SLC24A2: variants seen among roughly 807,000 people sequenced by gnomAD.
SLC24A2 encodes the protein solute carrier family 24 member 2.
A neutral mutation model predicts 62.0 loss-of-function variants in SLC24A2; 36 were observed. The ratio of observed to expected loss-of-function variants is 0.58; its 90% CI spans 0.44 to 0.77. The LOEUF is 0.77. SLC24A2 is among the 30% of genes least tolerant of loss of function. The probability of loss-of-function intolerance (pLI) is 0.00; values close to 1 mark genes in which losing one functional copy is unlikely to be tolerated. For missense variants in SLC24A2, 846 were observed against 817.9 expected (o/e 1.03, Z -0.42); for synonymous variants, 358 against 294.0 (o/e 1.22, Z -2.23).
the SLC24A2 span, among the ~76,000 whole-genome samples, chr9:20,156,753 T>C: frequency 6.6e-6 from 1 of 151,920 alleles, no homozygotes; most frequent in South Asian, 2.1e-4. Flanking sequence ...TTTATCTGTG[T>C]ATTAGAGTCT....
chr9:19,891,025 C>G, the SLC24A2 span, among the ~76,000 whole-genome samples: 1 of 152,352 alleles, frequency 6.6e-6, no homozygotes, highest in East Asian at 1.9e-4. Context: ...ATATCCCCCA[C>G]TTGTTAAGTA....
At chr9:19,974,521 C>T in the SLC24A2 span, among the ~76,000 whole-genome samples, 1 of 152,204 alleles carries the variant, frequency 6.6e-6, no homozygotes, top group Non-Finnish European at 1.5e-5. Context: ...CTGAGCAAAG[C>T]ATAACCTACG....
intron 2 of SLC24A2, among the ~76,000 whole-genome samples, chr9:19,774,412 A>T (rs1822782597): frequency 1.3e-5 from 2 of 152,216 alleles, no homozygotes; most frequent in African/African-American, 4.8e-5. Context: ...TAATAATTTC[A>T]TTGTGTTAAC....
the SLC24A2 span, among the ~76,000 whole-genome samples, chr9:20,070,980 T>A: frequency 6.6e-6 from 1 of 152,216 alleles, no homozygotes; most frequent in Non-Finnish European, 1.5e-5. Flanking sequence ...TTTAACACCA[T>A]CCTCCTTGAT....
the SLC24A2 span, among the ~76,000 whole-genome samples, chr9:20,183,440 A>C: frequency 6.6e-6 from 1 of 152,238 alleles, no homozygotes; most frequent in South Asian, 2.1e-4. Flanking sequence ...CTGGCAACTA[A>C]ACTATATTGC....
chr9:19,735,094 T>G (rs548011341), intron 2 of SLC24A2, among the ~76,000 whole-genome samples: 8 of 151,592 alleles, frequency 5.3e-5, no homozygotes, highest in East Asian at 3.9e-4. Flanking sequence ...TGGGAGAAAA[T>G]TTTTGCAATC....
At chr9:20,276,973 C>T in the SLC24A2 span, among the ~76,000 whole-genome samples, 1 of 152,196 alleles carries the variant, frequency 6.6e-6, no homozygotes, top group African/African-American at 2.4e-5. Flanking sequence ...TCCTAGGCCT[C>T]CTGGCTTGTG....
In SLC24A2 at chr9:19,714,832, T is replaced by C. The variant is rs1034114690; in HGVS notation, c.930+71105A>G. ...TACAGTATGCTCTTATTAACTATAG[T>C]CTTTATGTCGTACATTAGATCTTTA... On this transcript the variant is annotated intron_variant, in intron 2 of 10. Transcript: ENST00000341998. Among the ~76,000 whole-genome samples, 73 of 152,162 alleles carry C rather than the reference T, an allele frequency of 4.8e-4. 2 individuals carry two copies. The highest frequency in any genetic ancestry group is 6.3e-3 in the Middle Eastern group (2 of 316).
intron 2 of SLC24A2, among the ~76,000 whole-genome samples, chr9:19,708,400 A>T (rs1311359887): frequency 6.6e-6 from 1 of 152,170 alleles, no homozygotes; most frequent in Non-Finnish European, 1.5e-5. Flanking sequence ...AATTGGAAAA[A>T]ACTACTTTAA....
At chr9:19,682,774 T>A (rs1344556637) in intron 2 of SLC24A2, among the ~76,000 whole-genome samples, 1 of 152,176 alleles carries the variant, frequency 6.6e-6, no homozygotes, top group South Asian at 2.1e-4. Flanking sequence ...ACATTCATCA[T>A]GAAAACTAAT....
At chr9:19,995,539 C>G in the SLC24A2 span, among the ~76,000 whole-genome samples, 1 of 152,182 alleles carries the variant, frequency 6.6e-6, no homozygotes, top group Non-Finnish European at 1.5e-5. Context: ...TATTTTGAGC[C>G]AACTCCCTCC....
At chr9:19,724,307 A>T (rs1343473356) in intron 2 of SLC24A2, among the ~76,000 whole-genome samples, 1 of 152,228 alleles carries the variant, frequency 6.6e-6, no homozygotes, top group Non-Finnish European at 1.5e-5. Flanking sequence ...AATGCTAGGA[A>T]GAGAATGATG....
chr9:20,284,373 G>T, the SLC24A2 span, among the ~76,000 whole-genome samples: 1 of 152,114 alleles, frequency 6.6e-6, no homozygotes, highest in Admixed American at 6.5e-5. Flanking sequence ...GAACTCCTAG[G>T]CTCAAGCAAT....
the SLC24A2 span, among the ~76,000 whole-genome samples, chr9:19,931,016 A>T: frequency 6.6e-6 from 1 of 152,254 alleles, no homozygotes; most frequent in South Asian, 2.1e-4. Flanking sequence ...AGCAATGACC[A>T]ATAGTGATTG....
At chr9:19,621,470 A>T (rs1050653565) in intron 3 of SLC24A2, among the ~76,000 whole-genome samples, 7 of 152,212 alleles carry the variant, frequency 4.6e-5, no homozygotes, top group African/African-American at 1.4e-4. Flanking sequence ...TGAAAGTCTT[A>T]AACATTTTTT....
At chr9:20,001,184 G>A in the SLC24A2 span, among the ~76,000 whole-genome samples, 8 of 152,300 alleles carry the variant, frequency 5.3e-5, no homozygotes, top group South Asian at 1.4e-3. Flanking sequence ...TCCCTGCTGC[G>A]CCACACATCC....
the SLC24A2 span, among the ~76,000 whole-genome samples, chr9:19,993,124 A>G: frequency 6.6e-6 from 1 of 152,188 alleles, no homozygotes; most frequent in African/African-American, 2.4e-5. Flanking sequence ...AATGAGGGAG[A>G]TGAGGTACAG....
the SLC24A2 span, among the ~76,000 whole-genome samples, chr9:19,997,140 A>G: frequency 2.6e-5 from 4 of 152,186 alleles, no homozygotes; most frequent in African/African-American, 9.7e-5. Flanking sequence ...TCCTCAAGAC[A>G]AGAAGAGAGA....
At chr9:20,058,454 G>A in the SLC24A2 span, among the ~76,000 whole-genome samples, 2 of 150,084 alleles carry the variant, frequency 1.3e-5, 1 homozygote, top group South Asian at 4.2e-4. Context: ...ATATCTGGAG[G>A]CTCAAAGTAT....
Sources: allele counts gnomAD v4.1 joint callset (sites outside exome capture counted in the v4.1 genomes callset), GRCh38; gene constraint gnomAD v4.1.1; transcripts MANE v1.5; gene names NCBI Gene and HGNC (gene_info 2026-07-23, HGNC 2026-07-21).